Variants in CDH20 observed in about 807,000 individuals in gnomAD.
CDH20 encodes the protein cadherin-20.
Under a neutral mutation model 74.2 loss-of-function variants are expected in CDH20, and 29 were observed. The observed-to-expected ratio is 0.39, with a 90% confidence interval of 0.29 to 0.53. CDH20 has a LOEUF of 0.53. Among genes scored for constraint, CDH20 ranks in the 20% least tolerant of loss-of-function variants. The pLI is 0.69. For missense variants in CDH20, 988 were observed against 1,048.3 expected (o/e 0.94, Z 0.79); for synonymous variants, 469 against 405.4 (o/e 1.16, Z -1.88).
chr18:61,444,363 T>C (rs1909128848), intron 1 of CDH20, among the ~76,000 whole-genome samples: 1 of 152,204 alleles, frequency 6.6e-6, no homozygotes, highest in Admixed American at 6.5e-5. Context: ...GATGCTGACA[T>C]ATATCTTTCT....
chr18:61,522,368 G>A (rs1555682911), intron 6 of CDH20, among the ~76,000 whole-genome samples: 1 of 152,158 alleles, frequency 6.6e-6, no homozygotes, highest in Non-Finnish European at 1.5e-5. Flanking sequence ...GTGATGTGAA[G>A]GACCTCTTCA....
chr18:61,435,933 G>A (rs1908818228), intron 1 of CDH20, among the ~76,000 whole-genome samples: 1 of 151,870 alleles, frequency 6.6e-6, no homozygotes, highest in South Asian at 2.1e-4. Context: ...CCCCATTTCT[G>A]CACACTCGCC....
At chr18:61,419,111 T>C (rs2144269109) in intron 1 of CDH20, among the ~76,000 whole-genome samples, 1 of 152,272 alleles carries the variant, frequency 6.6e-6, no homozygotes, top group East Asian at 1.9e-4. Context: ...TCACCCAGAT[T>C]GGAGTACAGT....
At chr18:61,383,943 T>C (rs1051869201) in intron 1 of CDH20, among the ~76,000 whole-genome samples, 1 of 152,112 alleles carries the variant, frequency 6.6e-6, no homozygotes, top group Non-Finnish European at 1.5e-5. Context: ...GAAGATCCCA[T>C]ATATGAGATT....
chr18:61,338,201 A>C (rs1016955367), intron 1 of CDH20, among the ~76,000 whole-genome samples: 3 of 152,220 alleles, frequency 2.0e-5, no homozygotes, highest in Admixed American at 2.0e-4. Context: ...CAGAAGACAA[A>C]ATTTTGCTTT....
At chr18:61,388,699 G>A (rs1039104492) in intron 1 of CDH20, among the ~76,000 whole-genome samples, 5 of 152,124 alleles carry the variant, frequency 3.3e-5, no homozygotes, top group South Asian at 2.1e-4. Flanking sequence ...TATGACATGC[G>A]TGTGGATGCG....
chr18:61,341,682 G>A (rs1232355623), intron 1 of CDH20, among the ~76,000 whole-genome samples: 1 of 152,048 alleles, frequency 6.6e-6, no homozygotes, highest in Admixed American at 6.6e-5. Flanking sequence ...AGGCTTTTTT[G>A]GAATATTAAG....
intron 1 of CDH20, among the ~76,000 whole-genome samples, chr18:61,341,650 C>T (rs1909954526): frequency 3.3e-5 from 5 of 152,180 alleles, no homozygotes. Context: ...GCAAGCACCA[C>T]ACTTGAGAGC....
At chr18:61,536,276 T>C (rs546871577) in intron 7 of CDH20, among the ~76,000 whole-genome samples, 81 of 152,292 alleles carry the variant, frequency 5.3e-4, no homozygotes, top group African/African-American at 1.9e-3. Context: ...ATTTCATTTT[T>C]TGAATGAGAA....
At chr18:61,367,192 G>A (rs1485059741) in intron 1 of CDH20, among the ~76,000 whole-genome samples, 1 of 152,074 alleles carries the variant, frequency 6.6e-6, no homozygotes, top group African/African-American at 2.4e-5. Context: ...AAGAAGAGAA[G>A]CACGGCAAGT....
At chr18:61,383,428 A>G (rs540843116) in intron 1 of CDH20, among the ~76,000 whole-genome samples, 10 of 152,004 alleles carry the variant, frequency 6.6e-5, no homozygotes, top group Admixed American at 5.2e-4. Flanking sequence ...TAAAAATACA[A>G]AAATTAGCCA....
chr18:61,541,227 GTTGAGT>G (rs1354598331), intron 9 of CDH20, among the ~76,000 whole-genome samples: 1 of 151,950 alleles, frequency 6.6e-6, no homozygotes, highest in Non-Finnish European at 1.5e-5. Context: ...TGCTAAGGTA[GTTGAGT>G]TTAAGTGAGG....
At chr18:61,388,397 T>C (rs1409006652) in intron 1 of CDH20, among the ~76,000 whole-genome samples, 1 of 152,200 alleles carries the variant, frequency 6.6e-6, no homozygotes, top group African/African-American at 2.4e-5. Context: ...TTTTAATTTC[T>C]CAGTATGCAT....
chr18:61,551,103 T>C (rs1454612827), intron 11 of CDH20, among the ~76,000 whole-genome samples: 1 of 152,228 alleles, frequency 6.6e-6, no homozygotes, highest in Non-Finnish European at 1.5e-5. Flanking sequence ...CAAGTCATAC[T>C]GCAAGGTGGC....
At chr18:61,458,448 T>C (rs1263852354) in intron 1 of CDH20, among the ~76,000 whole-genome samples, 6 of 152,130 alleles carry the variant, frequency 3.9e-5, no homozygotes, top group Admixed American at 3.9e-4. Flanking sequence ...AAAATATCTC[T>C]TCCCACACGA....
intron 1 of CDH20, among the ~76,000 whole-genome samples, chr18:61,474,593 T>C (rs1018353964): frequency 6.6e-6 from 1 of 152,218 alleles, no homozygotes; most frequent in African/African-American, 2.4e-5. Context: ...CAAGATTCTC[T>C]TCAAGATGAG....
chr18:61,459,872 G>C (rs921214066), intron 1 of CDH20, among the ~76,000 whole-genome samples: 1 of 152,172 alleles, frequency 6.6e-6, no homozygotes, highest in Non-Finnish European at 1.5e-5. Flanking sequence ...ACTGACAACT[G>C]AGAGTGAAAG....
chr18:61,527,258 A>G (rs1912446139), intron 6 of CDH20, among the ~76,000 whole-genome samples: 1 of 152,158 alleles, frequency 6.6e-6, no homozygotes, highest in Non-Finnish European at 1.5e-5. Flanking sequence ...AGCACCTGAG[A>G]ACCTTGTGTG....
intron 1 of CDH20, among the ~76,000 whole-genome samples, chr18:61,448,354 A>C (rs1199709586): frequency 6.6e-6 from 1 of 152,200 alleles, no homozygotes; most frequent in African/African-American, 2.4e-5. Context: ...GAGGTCAAGT[A>C]ATTTAAGTCT....
Sources: gnomAD v4.1 joint callset for allele counts (sites outside exome capture counted in the v4.1 genomes callset) on GRCh38, gnomAD v4.1.1 for gene constraint, MANE v1.5 for transcripts, NCBI Gene and HGNC (gene_info 2026-07-23, HGNC 2026-07-21) for gene names.